Variants in CSNK2A1 observed in about 807,000 individuals in gnomAD.
The protein encoded by CSNK2A1 is casein kinase II subunit alpha.
Under a neutral mutation model 62.9 loss-of-function variants are expected in CSNK2A1, and 10 were observed. The observed-to-expected ratio is 0.16, with a 90% CI of 0.10 to 0.27. The LOEUF (loss-of-function observed/expected upper bound fraction) is 0.27. Among genes scored for constraint, CSNK2A1 ranks in the 10% least tolerant of loss-of-function variants. The pLI, the probability that CSNK2A1 is intolerant of heterozygous loss-of-function variation, is 1.00. For missense variants in CSNK2A1, 160 were observed against 492.0 expected (o/e 0.33, Z 6.38); for synonymous variants, 124 against 167.8 (o/e 0.74, Z 2.02).
At chr20:526,808 A>G (rs145826670) in intron 2 of CSNK2A1, 5,438 of 152,004 alleles carry the variant, frequency 0.036, 120 homozygotes, top group African/African-American at 0.058. Context: ...ATAAAAAATT[A>G]GCTGGGTGTG....
At chr20:530,033 T>G (rs1208839953) in intron 1 of CSNK2A1, among the ~76,000 whole-genome samples, 1 of 152,118 alleles carries the variant, frequency 6.6e-6, no homozygotes, top group African/African-American at 2.4e-5. Context: ...TAGGGTACAA[T>G]CAGTACCCTA....
rs2017807181 is a variant in CSNK2A1 at position 474,340 on chromosome 20, A to G, written c.*9621T>C. ...TATGAGTCACTGTGCCTGGACTAGA[A>G]TATTTATTTTTGAAAGATCTTTGGT... On this transcript the variant is annotated 3_prime_UTR_variant, in exon 14 of 14. Transcript: ENST00000217244. 1 of 152,196 alleles carries G rather than the reference A, an allele frequency of 6.6e-6. No homozygotes were observed. The allele number at this position is 152,196 out of a possible 1,614,324, so 9.4% of individuals were successfully genotyped here.
At chr20:485,296 G>A (rs1043575505) in intron 13 of CSNK2A1, among the ~76,000 whole-genome samples, 1 of 150,836 alleles carries the variant, frequency 6.6e-6, no homozygotes, top group Non-Finnish European at 1.5e-5. Flanking sequence ...CGATTATCTT[G>A]CCTTAGCCTC....
Position 489,846 on chromosome 20 carries a change from A to G in CSNK2A1, c.657T>C (p.Gly219=), listed in dbSNP as rs1236340898. The G allele has an allele frequency of 6.2e-7, 1 of 1,613,242 alleles. No homozygotes were observed. Residue 219 remains glycine (G), a synonymous_variant, in exon 10 of 14, where the codon GGT becomes GGC. Coordinates refer to ENST00000217244, the MANE Select transcript of CSNK2A1 (RefSeq NM_177559.3). ...YDYSLDMWSL[G]CMLASMIFRK... ...GAAAGATCATACTTGCCAGCATACA[A>G]CCCAAACTCCACATATCCAAACTAT...
At chr20:493,492 A>G (rs2018279003) in intron 8 of CSNK2A1, among the ~76,000 whole-genome samples, 1 of 152,192 alleles carries the variant, frequency 6.6e-6, no homozygotes, top group Admixed American at 6.5e-5. Context: ...TGCTATGGAG[A>G]GATTATAGAT....
intron 1 of CSNK2A1, among the ~76,000 whole-genome samples, chr20:529,318 AC>A (rs1051042501): frequency 2.0e-5 from 3 of 151,636 alleles, no homozygotes; most frequent in African/African-American, 7.3e-5. Flanking sequence ...GAGCCATTGC[AC>A]CCAGCCATGT....
intron 6 of CSNK2A1, 167 bp from the exon 7 acceptor site, chr20:497,947 C>T: frequency 1.7e-6 from 1 of 574,746 alleles, no homozygotes; most frequent in Non-Finnish European, 3.1e-6. Context: ...TAAAGAGATA[C>T]TTTGGGTCTT....
intron 7 of CSNK2A1, 181 bp from the exon 8 acceptor site, chr20:495,983 C>A: frequency 1.8e-6 from 1 of 562,924 alleles, no homozygotes; most frequent in Non-Finnish European, 3.2e-6. Context: ...CAAGCAAACT[C>A]AGCTCTCTGA....
chr20:516,292 C>A (rs1212676882), intron 2 of CSNK2A1, among the ~76,000 whole-genome samples: 2 of 152,226 alleles, frequency 1.3e-5, no homozygotes, highest in Non-Finnish European at 2.9e-5. Context: ...TACCTTAACA[C>A]CGTCAGAATG....
chr20:532,508 G>A (rs920954151), intron 1 of CSNK2A1, among the ~76,000 whole-genome samples: 1 of 151,856 alleles, frequency 6.6e-6, no homozygotes, highest in African/African-American at 2.4e-5. Flanking sequence ...AATAATATTT[G>A]TATGGCACAA....
intron 2 of CSNK2A1, among the ~76,000 whole-genome samples, chr20:525,658 A>G (rs1465985196): frequency 1.4e-5 from 2 of 148,054 alleles, no homozygotes; most frequent in African/African-American, 4.9e-5. Flanking sequence ...CTCAAAAAAA[A>G]AAAAAAAAAG....
At chr20:487,653 AGTG>A (rs773998364) in intron 11 of CSNK2A1, 78 bp from the exon 12 acceptor site, 11 of 1,593,930 alleles carry the variant, frequency 6.9e-6, no homozygotes, top group African/African-American at 1.3e-5. Flanking sequence ...CATTTTTCTT[AGTG>A]GCTAACAGCC....
intron 2 of CSNK2A1, among the ~76,000 whole-genome samples, chr20:517,802 TGGCATCA>T (rs2018858765): frequency 6.6e-6 from 1 of 152,132 alleles, no homozygotes; most frequent in Non-Finnish European, 1.5e-5. Flanking sequence ...ACATGCAACG[TGGCATCA>T]GGTGTAAAAA....
intron 3 of CSNK2A1, chr20:508,236 T>TA (rs779233852): frequency 8.1e-6 from 4 of 492,148 alleles, no homozygotes; most frequent in Non-Finnish European, 1.4e-5. Flanking sequence ...AAATGATTTT[T>TA]AAATGGTAAG....
Position 531,997 on chromosome 20 carries a change from T to A in CSNK2A1, c.-226-3948A>T, listed in dbSNP as rs534562447. 3.3e-5 allele frequency among the ~76,000 whole-genome samples: 5 copies of A among 152,320 alleles called. No homozygotes were observed. In the South Asian group the frequency reaches 6.2e-4, roughly 19 times the overall value. On this transcript the variant is annotated intron_variant, in intron 1 of 13. Coordinates refer to ENST00000217244, the MANE Select transcript of CSNK2A1 (RefSeq NM_177559.3). ...TGTATTTTAAAGCATATCCTTTGAA[T>A]CATGTGTCCAAAGAGAATTACTTGT...
rs1036052852 is a variant in CSNK2A1, at chr20:479,839, A to G, written c.*4122T>C. On this transcript the variant is annotated 3_prime_UTR_variant, in exon 14 of 14. Transcript: ENST00000217244. ...ATCCTCAAAAATCTGAAATTTTTTA[A>G]GCATCAACATGATGCCTAAAGTAAA... The G allele has an allele frequency of 6.6e-6, 1 of 152,254 alleles. No individual in the cohort carries two copies. The highest frequency in any genetic ancestry group is 2.4e-5 in the African/African-American group (1 of 41,464). The allele number at this position is 152,254 out of a possible 1,614,324, so 9.4% of individuals were successfully genotyped here.
At chr20:506,081 T>G (rs976709261) in intron 3 of CSNK2A1, 5 of 151,894 alleles carry the variant, frequency 3.3e-5, no homozygotes, top group Admixed American at 1.3e-4. Flanking sequence ...TTTCACCGTG[T>G]TAGCCAGGAT....
intron 2 of CSNK2A1, among the ~76,000 whole-genome samples, chr20:523,384 G>A (rs2018990363): frequency 6.6e-6 from 1 of 152,046 alleles, no homozygotes; most frequent in Non-Finnish European, 1.5e-5. Context: ...AATCACCAAA[G>A]AATGAAAACC....
In CSNK2A1 at chr20:474,724, C is replaced by G. The variant is rs2017814380; in HGVS notation, c.*9237G>C. ...TTGTCCTGTTACCAACACCACCACA[C>G]ATGCCAGCATTTCCCATCACTCCTC... On this transcript the variant is annotated 3_prime_UTR_variant, in exon 14 of 14. Transcript: ENST00000217244. The G allele has an allele frequency of 6.6e-6, 1 of 152,198 alleles. No individual in the cohort carries two copies. The highest frequency in any genetic ancestry group is 2.1e-4 in the South Asian group (1 of 4,834). The allele number at this position is 152,198 out of a possible 1,614,324, so 9.4% of individuals were successfully genotyped here. A position where few individuals can be genotyped will look rare whatever the true frequency, so the allele number is the denominator to read the frequency against.
Sources: allele counts gnomAD v4.1 joint callset (sites outside exome capture counted in the v4.1 genomes callset), GRCh38; gene constraint gnomAD v4.1.1; transcripts MANE v1.5; gene names NCBI Gene and HGNC (gene_info 2026-07-23, HGNC 2026-07-21).